ADGRG6: variants seen among roughly 807,000 people sequenced by gnomAD.
ADGRG6 encodes G-protein coupled receptor 126.
In ADGRG6, 84 loss-of-function variants were observed where a neutral mutation model predicts 142.4. The observed-to-expected ratio is 0.59, with a 90% CI of 0.49 to 0.71. The LOEUF is 0.71. ADGRG6 is among the 30% of genes least tolerant of loss of function. ADGRG6 has a pLI of 0.00. For missense variants in ADGRG6, 1,367 were observed against 1,466.6 expected (o/e 0.93, Z 1.11); for synonymous variants, 521 against 520.5 (o/e 1.00, Z -0.01).
At chr6:142,393,408 A>G (rs1358291798) in intron 8 of ADGRG6, among the ~76,000 whole-genome samples, 3 of 152,042 alleles carry the variant, frequency 2.0e-5, no homozygotes, top group African/African-American at 7.2e-5. Context: ...TCTGATTGCA[A>G]CCTAACTTTT....
chr6:142,323,715 A>T (rs943515950), intron 2 of ADGRG6, among the ~76,000 whole-genome samples: 1 of 152,128 alleles, frequency 6.6e-6, no homozygotes, highest in Non-Finnish European at 1.5e-5. Flanking sequence ...CCTGTTTAAC[A>T]GGTACTGAAT....
intron 4 of ADGRG6, among the ~76,000 whole-genome samples, chr6:142,381,031 A>G (rs1311419672): frequency 1.3e-5 from 2 of 152,212 alleles, no homozygotes; most frequent in Admixed American, 6.5e-5. Context: ...GCCCTGAGGT[A>G]TCAAGGATGA....
Position 142,417,311 on chromosome 6 carries a change from A to G in ADGRG6, c.2977A>G (p.Arg993Gly). The part of the protein sequence containing the change: ...ALVVSVVLAS[R>G]NNNEVYGKES... ...AGTGGTGTCAGTTGTTCTAGCGAGC[A>G]GAAACAACAATGAAGTCTATGGAAA... is the stretch of plus-strand genomic sequence containing the variant. The change falls in exon 21 of 25, where the codon AGA becomes GGA. Residue 993 changes from arginine (R) to glycine (G), a missense_variant. Transcript: ENST00000367609. The G allele has an allele frequency of 1.2e-6, 2 of 1,605,940 alleles. No individual in the cohort carries two copies. The highest frequency in any genetic ancestry group is 8.5e-7 in the Non-Finnish European group (1 of 1,173,922).
chr6:142,354,514 G>C (rs956568184), intron 2 of ADGRG6, among the ~76,000 whole-genome samples: 2 of 152,094 alleles, frequency 1.3e-5, no homozygotes, highest in African/African-American at 4.8e-5. Flanking sequence ...GTTTTGGCCA[G>C]GAGTTTAGCC....
At chr6:142,303,248 G>A (rs555205726) in intron 1 of ADGRG6, among the ~76,000 whole-genome samples, 9 of 151,976 alleles carry the variant, frequency 5.9e-5, no homozygotes, top group East Asian at 1.9e-4. Context: ...CTAGAACTTG[G>A]TACTTAACAC....
intron 1 of ADGRG6, among the ~76,000 whole-genome samples, chr6:142,306,726 TAG>T: frequency 6.6e-6 from 1 of 152,264 alleles, no homozygotes; most frequent in East Asian, 1.9e-4. Flanking sequence ...TTTAGAACCT[TAG>T]TAACCCTGTT....
At chr6:142,350,138 CTTT>C (rs1232740845) in intron 2 of ADGRG6, among the ~76,000 whole-genome samples, 1 of 152,084 alleles carries the variant, frequency 6.6e-6, no homozygotes, top group Non-Finnish European at 1.5e-5. Flanking sequence ...ACACCACCCA[CTTT>C]GTAAAGTGGT....
At chr6:142,376,964 G>A (rs1379309279) in intron 4 of ADGRG6, among the ~76,000 whole-genome samples, 1 of 152,194 alleles carries the variant, frequency 6.6e-6, no homozygotes, top group Non-Finnish European at 1.5e-5. Context: ...CACAACTTGT[G>A]TAAATATTAA....
intron 2 of ADGRG6, among the ~76,000 whole-genome samples, chr6:142,334,813 C>G (rs557224559): frequency 4.6e-5 from 7 of 152,150 alleles, no homozygotes; most frequent in Admixed American, 3.3e-4. Context: ...AAACAGAGGG[C>G]AGTACTTAGG....
At chr6:142,410,139 G>T (rs1244648950) in intron 17 of ADGRG6, among the ~76,000 whole-genome samples, 1 of 152,064 alleles carries the variant, frequency 6.6e-6, no homozygotes, top group Non-Finnish European at 1.5e-5. Flanking sequence ...AGACTTCACT[G>T]TGTTTTCTTT....
chr6:142,417,012 G>A (rs1582659512), intron 20 of ADGRG6: 1 of 475,954 alleles, frequency 2.1e-6, no homozygotes, highest in African/African-American at 2.0e-5. Context: ...GTCCCACTAA[G>A]CAAACAGAAT....
At chr6:142,373,893 T>C (rs1393216582) in intron 4 of ADGRG6, among the ~76,000 whole-genome samples, 18 of 148,102 alleles carry the variant, frequency 1.2e-4, no homozygotes, top group Admixed American at 3.3e-4. Context: ...TTTTTTTTTT[T>C]TTTTTTTTTT....
chr6:142,436,326 C>T (rs1430830443), intron 22 of ADGRG6, among the ~76,000 whole-genome samples: 7 of 152,010 alleles, frequency 4.6e-5, no homozygotes, highest in African/African-American at 1.7e-4. Context: ...AGGAAGAAAA[C>T]TGGGAGAAAA....
At chr6:142,322,974 T>C (rs890895424) in intron 2 of ADGRG6, among the ~76,000 whole-genome samples, 1 of 152,124 alleles carries the variant, frequency 6.6e-6, no homozygotes, top group Non-Finnish European at 1.5e-5. Context: ...ACCTGGTGAA[T>C]GGCCTCTGAG....
rs145449439 is a variant in ADGRG6 at position 142,358,876 on chromosome 6, C to T, written c.104-8693C>T. 1.2e-3 allele frequency among the ~76,000 whole-genome samples: 179 copies of T among 151,338 alleles called. 1 individual carries two copies. Among genetic ancestry groups the T allele is most frequent in the African/African-American group, 3.6e-3 (148 of 41,214 alleles). ...TGAGCCGAGATCATGCAAGCCTGGG[C>T]GACGGAGTGAGACTCTGTCTCAAAA... On this transcript the variant is annotated intron_variant, in intron 2 of 24. Coordinates refer to ENST00000367609, the MANE Select transcript of ADGRG6 (RefSeq NM_198569.3).
intron 19 of ADGRG6, 68 bp from the exon 20 acceptor site, chr6:142,415,728 C>T: frequency 1.8e-6 from 2 of 1,086,816 alleles, no homozygotes; most frequent in South Asian, 1.4e-5. Context: ...CGAATTTATA[C>T]AGGCCTGTGC....
chr6:142,315,820 CAAAT>C (rs10609669), intron 2 of ADGRG6, among the ~76,000 whole-genome samples: 55,545 of 138,756 alleles, frequency 0.4, 11,557 homozygotes, highest in East Asian at 0.51. Flanking sequence ...AACTACATCT[CAAAT>C]AAATAAATAA....
rs995199955 is a variant in ADGRG6 at position 142,370,642 on chromosome 6, C to T, written c.918C>T (p.Asp306=). The T allele has an allele frequency of 6.2e-7, 1 of 1,613,624 alleles. No homozygotes were observed. The highest frequency in any genetic ancestry group is 1.7e-5 in the Admixed American group (1 of 59,994). Residue 306 remains aspartate, a synonymous_variant, in exon 4 of 25, where the codon GAC becomes GAT. Transcript: ENST00000367609. ...NQNEIVSLKG[D]IYNFRLWNFT... ...ATGAAATTGTCTCTCTAAAAGGGGA[C>T]ATTTATAACTTTCGACTTTGGAATT...
chr6:142,411,127 A>G (rs1404389174), intron 17 of ADGRG6, among the ~76,000 whole-genome samples, 178 bp from the exon 18 acceptor site: 1 of 152,180 alleles, frequency 6.6e-6, no homozygotes. Context: ...CTAACATTTG[A>G]TTATTCTAGG....
Sources: allele counts gnomAD v4.1 joint callset (sites outside exome capture counted in the v4.1 genomes callset), GRCh38; gene constraint gnomAD v4.1.1; transcripts MANE v1.5; gene names NCBI Gene and HGNC (gene_info 2026-07-23, HGNC 2026-07-21).